The following PIK3R4 variants were observed in gnomAD, a reference collection of about 807,000 sequenced individuals.
PIK3R4 encodes the protein phosphoinositide 3-kinase regulatory subunit 4.
In PIK3R4, 46 loss-of-function variants were observed where a neutral mutation model predicts 136.5. That is an observed-to-expected ratio of 0.34 (90% CI 0.27 to 0.43). The LOEUF is 0.43. PIK3R4 is among the 20% of genes least tolerant of loss of function. PIK3R4 has a pLI of 1.00. For synonymous variants in PIK3R4, 557 were observed against 566.7 expected (o/e 0.98, Z 0.24); for missense variants, 1,331 against 1,649.5 (o/e 0.81, Z 3.35).
rs1339795823 is a variant in PIK3R4 at position 130,728,688 on chromosome 3, A to T, written c.1586-4T>A. ...ATTTCATGTAAGGCTTGGAGCTCTA[A>T]AAAAAAAAAAAAAAGAAAGAAAGAA... On this transcript the variant is annotated splice_polypyrimidine_tract_variant and splice_region_variant and intron_variant, in intron 5 of 19. Coordinates refer to ENST00000356763, the MANE Select transcript of PIK3R4 (RefSeq NM_014602.3). 16 of 965,948 alleles carry T rather than the reference A, an allele frequency of 1.7e-5. No homozygotes were observed. Among genetic ancestry groups the T allele is most frequent in the South Asian group, 4.0e-5 (2 of 50,532 alleles). 59.8% of individuals were successfully genotyped at this position (965,948 alleles called of 1,614,324 possible).
chr3:130,718,650 G>T (rs916963133), intron 7 of PIK3R4, 116 bp from the exon 8 acceptor site: 2 of 891,484 alleles, frequency 2.2e-6, no homozygotes, highest in African/African-American at 1.7e-5. Context: ...GTTACTATCA[G>T]GAGCCTTCAC....
chr3:130,725,578 A>C (rs1396541413), intron 6 of PIK3R4, among the ~76,000 whole-genome samples: 1 of 138,854 alleles, frequency 7.2e-6, no homozygotes, highest in African/African-American at 2.5e-5. Context: ...CTTTACATAC[A>C]AAAGTAGAAA....
chr3:130,737,982 T>C (rs557281554), intron 2 of PIK3R4, among the ~76,000 whole-genome samples: 1 of 152,334 alleles, frequency 6.6e-6, no homozygotes, highest in African/African-American at 2.4e-5. Flanking sequence ...ATGTTTCTTC[T>C]TGTCTACATG....
At chr3:130,723,816 T>C (rs1044455597) in intron 6 of PIK3R4, 56 of 384,910 alleles carry the variant, frequency 1.5e-4, no homozygotes, top group Non-Finnish European at 2.2e-4. Flanking sequence ...CTTACAGAAA[T>C]GAAAATATAG....
chr3:130,735,156 C>T (rs1426248870), intron 3 of PIK3R4, among the ~76,000 whole-genome samples: 2 of 152,118 alleles, frequency 1.3e-5, no homozygotes. Context: ...TCTGAAGCAC[C>T]TTATTTTTTA....
chr3:130,724,058 G>A (rs2066718385), intron 6 of PIK3R4, among the ~76,000 whole-genome samples: 2 of 151,468 alleles, frequency 1.3e-5, no homozygotes, highest in Non-Finnish European at 2.9e-5. Flanking sequence ...AGAATTCAAG[G>A]GCAAAAAAAA....
intron 4 of PIK3R4, among the ~76,000 whole-genome samples, chr3:130,731,162 C>T (rs1190388471): frequency 6.6e-6 from 1 of 152,220 alleles, no homozygotes; most frequent in Non-Finnish European, 1.5e-5. Context: ...TTCACTTACA[C>T]TTTCTTCTCC....
chr3:130,724,096 C>A (rs986383824), intron 6 of PIK3R4, among the ~76,000 whole-genome samples: 5 of 151,912 alleles, frequency 3.3e-5, no homozygotes, highest in Non-Finnish European at 7.4e-5. Context: ...AATCAGTCAG[C>A]CCAGATTAGA....
At chr3:130,731,166 C>T (rs1032262769) in intron 4 of PIK3R4, among the ~76,000 whole-genome samples, 2 of 152,214 alleles carry the variant, frequency 1.3e-5, no homozygotes, top group Admixed American at 6.5e-5. Flanking sequence ...CTTACACTTT[C>T]TTCTCCTACC....
chr3:130,708,994 T>A (rs2066620786), intron 9 of PIK3R4, among the ~76,000 whole-genome samples: 1 of 152,108 alleles, frequency 6.6e-6, no homozygotes, highest in South Asian at 2.1e-4. Flanking sequence ...ACTAAGGGAT[T>A]GATTGGAATG....
chr3:130,703,606 T>C, intron 13 of PIK3R4, 117 bp downstream of exon 13: 1 of 701,252 alleles, frequency 1.4e-6, no homozygotes, highest in Non-Finnish European at 2.4e-6. Context: ...AGGATTTTTG[T>C]CCATTTATTG....
intron 19 of PIK3R4, 145 bp from the exon 20 acceptor site, chr3:130,679,630 A>G: frequency 1.8e-6 from 1 of 547,444 alleles, no homozygotes; most frequent in Non-Finnish European, 3.2e-6. Context: ...TACATTGAGC[A>G]AAAGGAGTAG....
At chr3:130,705,525 G>C in intron 12 of PIK3R4, 36 bp downstream of exon 12, 2 of 1,361,938 alleles carry the variant, frequency 1.5e-6, no homozygotes, top group Non-Finnish European at 2.1e-6. Flanking sequence ...TAAGCACCTA[G>C]ACTAGACTAC....
intron 13 of PIK3R4, among the ~76,000 whole-genome samples, chr3:130,694,056 A>G (rs1270339613): frequency 2.0e-5 from 3 of 152,120 alleles, no homozygotes; most frequent in Non-Finnish European, 4.4e-5. Flanking sequence ...CAAAAAAAAA[A>G]TGACCATAAA....
intron 13 of PIK3R4, among the ~76,000 whole-genome samples, chr3:130,697,500 C>T (rs1194164109): frequency 1.3e-5 from 2 of 152,070 alleles, no homozygotes; most frequent in Non-Finnish European, 2.9e-5. Context: ...TTTTTTCACC[C>T]CTTCTACCAA....
chr3:130,724,063 A>T (rs2066718442), intron 6 of PIK3R4, among the ~76,000 whole-genome samples: 1 of 152,190 alleles, frequency 6.6e-6, no homozygotes, highest in African/African-American at 2.4e-5. Context: ...TCAAGGGCAA[A>T]AAAAAGCTAG....
At chr3:130,718,873 C>A (rs765328241) in intron 7 of PIK3R4, among the ~76,000 whole-genome samples, 25 of 152,110 alleles carry the variant, frequency 1.6e-4, no homozygotes, top group African/African-American at 5.6e-4. Context: ...AGAGACATAA[C>A]AAGTCCCAAC....
At chr3:130,745,305 C>G (rs1329830874) in intron 1 of PIK3R4, 41 bp from the exon 2 acceptor site, 18 of 1,353,326 alleles carry the variant, frequency 1.3e-5, no homozygotes, top group Non-Finnish European at 2.0e-6. Context: ...AGACAAGAAA[C>G]AAAGAAGCTG....
chr3:130,710,177 T>C (rs1276352451), intron 9 of PIK3R4, among the ~76,000 whole-genome samples: 2 of 151,954 alleles, frequency 1.3e-5, no homozygotes, highest in African/African-American at 4.8e-5. Context: ...CCAGTATATA[T>C]AAAAACATTT....
Sources: allele counts gnomAD v4.1 joint callset (sites outside exome capture counted in the v4.1 genomes callset), GRCh38; gene constraint gnomAD v4.1.1; transcripts MANE v1.5; gene names NCBI Gene and HGNC (gene_info 2026-07-23, HGNC 2026-07-21).